PRXL2A: variants seen among roughly 807,000 people sequenced by gnomAD.
PRXL2A encodes the protein peroxiredoxin like 2A.
PRXL2A carries 26 observed loss-of-function variants against 25.6 expected under a neutral mutation model. The observed-to-expected ratio is 1.02, with a 90% CI of 0.74 to 1.41. PRXL2A has a LOEUF of 1.41. PRXL2A is among the 40% of genes most tolerant of loss of function. PRXL2A has a pLI of 0.00. For missense variants in PRXL2A, 246 were observed against 273.9 expected, an observed-to-expected ratio of 0.90 and a Z score of 0.72; for synonymous variants, 98 against 102.9, an observed-to-expected ratio of 0.95 and a Z score of 0.29.
chr10:80,425,765 G>A (rs1845018806), intron 3 of PRXL2A, 101 bp from the exon 4 acceptor site: 1 of 1,464,422 alleles, frequency 6.8e-7, no homozygotes, highest in South Asian at 1.3e-5. Context: ...CTTTCCACTG[G>A]AGAAGACAAG....
At chr10:80,417,489 T>C (rs574695639) in intron 1 of PRXL2A, among the ~76,000 whole-genome samples, 4 of 152,014 alleles carry the variant, frequency 2.6e-5, no homozygotes, top group Non-Finnish European at 5.9e-5. Flanking sequence ...CTAGAAAGAG[T>C]CTTATTTACA....
At chr10:80,431,329 G>A (rs941718588) in intron 5 of PRXL2A, among the ~76,000 whole-genome samples, 5 of 150,664 alleles carry the variant, frequency 3.3e-5, no homozygotes, top group Non-Finnish European at 5.9e-5. Flanking sequence ...TAATGACACA[G>A]TGTATTTACA....
At chr10:80,414,378 C>A (rs934489990) in intron 1 of PRXL2A, among the ~76,000 whole-genome samples, 60 of 152,096 alleles carry the variant, frequency 3.9e-4, no homozygotes, top group South Asian at 8.3e-4. Flanking sequence ...CTGACCCTTT[C>A]CTTAATGGAA....
chr10:80,430,191 C>G (rs1298795054), intron 5 of PRXL2A, among the ~76,000 whole-genome samples: 1 of 151,174 alleles, frequency 6.6e-6, no homozygotes, highest in East Asian at 1.9e-4. Context: ...ACCTCCACCC[C>G]CCCGGGTTCA....
At chr10:80,419,904 G>T (rs1462408525) in intron 1 of PRXL2A, 6 of 890,826 alleles carry the variant, frequency 6.7e-6, no homozygotes, top group South Asian at 5.2e-5. Flanking sequence ...CTGGCTGGGG[G>T]CTTGATGAGT....
chr10:80,420,559 T>G lies in PRXL2A; in HGVS notation c.92T>G (p.Leu31Arg). ...GGGGCTGCTGCCTTGGCATTGCTGC[T>G]TGCCAACACAGACGTGTTTCTGTCC... ...ALGAAALALL[L>R]ANTDVFLSKP... Residue 31 changes from leucine to arginine, a missense_variant, in exon 2 of 6, where the codon CTT (leucine) becomes CGT (arginine). Leu to Arg is a moderately radical substitution (Grantham distance 102). Coordinates refer to ENST00000606162, the MANE Select transcript of PRXL2A (RefSeq NM_032333.5). 6.2e-7 allele frequency: 1 copy of G among 1,614,084 alleles called. No individual in the cohort carries two copies. The highest frequency in any genetic ancestry group is 2.2e-5 in the East Asian group (1 of 44,868).
At chr10:80,420,066 T>C (rs1470074450) in intron 1 of PRXL2A, 1 of 986,458 alleles carries the variant, frequency 1.0e-6, no homozygotes, top group African/African-American at 1.7e-5. Flanking sequence ...ACCTGGATTG[T>C]GAGGGAGAAT....
chr10:80,418,708 C>T (rs1351541519), intron 1 of PRXL2A, among the ~76,000 whole-genome samples: 1 of 152,124 alleles, frequency 6.6e-6, no homozygotes, highest in East Asian at 1.9e-4. Context: ...CCAGTGTATG[C>T]CAGAGCTTAG....
intron 1 of PRXL2A, among the ~76,000 whole-genome samples, chr10:80,414,628 G>A (rs979809912): frequency 4.6e-5 from 7 of 152,224 alleles, no homozygotes; most frequent in Non-Finnish European, 8.8e-5. Flanking sequence ...GGCGAGGAAA[G>A]GTAGTCTTTC....
rs1232390652 is a variant in PRXL2A, at chr10:80,432,099, A to G, written c.690A>G (p.Ter230TrpextTer30). Reference protein sequence around the residue: ...KPQTLASEKK* With the variant: ...KPQTLASEKKW ...AGACTTTGGCCTCAGAGAAAAAATG[A>G]TTGTGTGAAACTGCCCAGCTCAGGG... Residue 230 changes from the stop codon to tryptophan (W), a stop_lost, in exon 6 of 6, where the codon TGA becomes TGG. Transcript: ENST00000606162. 2.5e-6 allele frequency: 4 copies of G among 1,590,146 alleles called. No individual in the cohort carries two copies. The highest frequency in any genetic ancestry group is 2.2e-5 in the East Asian group (1 of 44,740).
In PRXL2A at chr10:80,420,537, G is replaced by C; in HGVS notation, c.70G>C (p.Ala24Pro). 3 of 1,613,846 alleles carry C rather than the reference G, an allele frequency of 1.9e-6. No individual in the cohort carries two copies. The highest frequency in any genetic ancestry group is 1.1e-5 in the South Asian group (1 of 90,960). Residue 24 changes from alanine to proline, a missense_variant, in exon 2 of 6, where the codon GCT becomes CCT. Ala to Pro is a conservative substitution (Grantham distance 27, BLOSUM62 -1). Coordinates refer to ENST00000606162, the MANE Select transcript of PRXL2A (RefSeq NM_032333.5). ...MWSIGAGALG[A>P]AALALLLANT... ...GTCCATTGGTGCAGGAGCCCTGGGG[G>C]CTGCTGCCTTGGCATTGCTGCTTGC...
At chr10:80,429,731 C>T (rs187766431) in intron 5 of PRXL2A, among the ~76,000 whole-genome samples, 64 of 152,178 alleles carry the variant, frequency 4.2e-4, no homozygotes, top group South Asian at 3.5e-3. Context: ...GCGACCACTT[C>T]CTGATGTCCT....
intron 1 of PRXL2A, 140 bp from the exon 2 acceptor site, chr10:80,420,324 CCA>C: frequency 7.0e-7 from 1 of 1,419,126 alleles, no homozygotes; most frequent in Non-Finnish European, 9.2e-7. Flanking sequence ...CAGCCCTTGT[CCA>C]GTCTCGCCTG....
chr10:80,413,199 T>C (rs1476157444), intron 1 of PRXL2A, among the ~76,000 whole-genome samples: 1 of 151,270 alleles, frequency 6.6e-6, no homozygotes, highest in Non-Finnish European at 1.5e-5. Context: ...ACTTTAGTTT[T>C]GGATGTGGTA....
At chr10:80,413,750 TG>T in intron 1 of PRXL2A, 1 of 765,948 alleles carries the variant, frequency 1.3e-6, no homozygotes, top group Non-Finnish European at 1.6e-6. Flanking sequence ...GTCCTGCCTA[TG>T]GAGTGACTGA....
intron 1 of PRXL2A, among the ~76,000 whole-genome samples, chr10:80,418,081 A>G (rs1412989773): frequency 6.7e-6 from 1 of 149,854 alleles, no homozygotes; most frequent in Non-Finnish European, 1.5e-5. Context: ...TATTTGTTAC[A>G]TGGGTATATT....
rs1219408759 is a variant in PRXL2A at position 80,427,329 on chromosome 10, T to C, written c.412-3T>C. The C allele has an allele frequency of 4.3e-6, 7 of 1,613,628 alleles. No homozygotes were observed. In the East Asian group the frequency reaches 1.1e-4, roughly 26 times the overall value. On this transcript the variant is annotated splice_region_variant and splice_polypyrimidine_tract_variant and intron_variant, in intron 4 of 5. Transcript: ENST00000606162. ...TATGGGATCTGTCTTTCTCACTCCA[T>C]AGAAAAAGTTCTATGGTCCACAAAG... is the stretch of plus-strand genomic sequence containing the variant.
intron 2 of PRXL2A, among the ~76,000 whole-genome samples, chr10:80,421,195 A>G (rs570390306): frequency 2.0e-5 from 3 of 152,282 alleles, no homozygotes; most frequent in African/African-American, 7.2e-5. Flanking sequence ...CTCCCTGTGA[A>G]GAAGCTGTGG....
At chr10:80,413,884 C>A in intron 1 of PRXL2A, 1 of 1,243,150 alleles carries the variant, frequency 8.0e-7, no homozygotes, top group Non-Finnish European at 1.0e-6. Flanking sequence ...ATGGTGAGTG[C>A]CTTGTTCCCA....
Sources: gnomAD v4.1 joint callset for allele counts (sites outside exome capture counted in the v4.1 genomes callset) on GRCh38, gnomAD v4.1.1 for gene constraint, MANE v1.5 for transcripts, NCBI Gene and HGNC (gene_info 2026-07-23, HGNC 2026-07-21) for gene names.